Variants in CDYL2 observed in about 807,000 individuals in gnomAD.
The protein encoded by CDYL2 is chromodomain Y-like protein 2.
A neutral mutation model predicts 49.4 loss-of-function variants in CDYL2; 23 were observed. The observed-to-expected ratio is 0.47, with a 90% CI of 0.34 to 0.66. The LOEUF (loss-of-function observed/expected upper bound fraction) is 0.66. Among genes scored for constraint, CDYL2 ranks in the 30% least tolerant of loss-of-function variants. CDYL2 has a pLI of 0.01. For missense variants in CDYL2, 678 were observed against 656.4 expected (o/e 1.03, Z -0.36); for synonymous variants, 360 against 268.8 (o/e 1.34, Z -3.32).
chr16:80,713,272 C>T (rs745868852), intron 1 of CDYL2, among the ~76,000 whole-genome samples: 8 of 152,284 alleles, frequency 5.3e-5, no homozygotes, highest in South Asian at 2.1e-4. Context: ...GATGAAGTTA[C>T]AAAACAAGCT....
chr16:80,743,575 T>C (rs1280870228), intron 1 of CDYL2, among the ~76,000 whole-genome samples: 4 of 152,218 alleles, frequency 2.6e-5, no homozygotes, highest in African/African-American at 9.7e-5. Flanking sequence ...TGAAGCGGGA[T>C]TGGCATTAGC....
intron 1 of CDYL2, among the ~76,000 whole-genome samples, chr16:80,778,271 A>G (rs560440260): frequency 6.6e-6 from 1 of 152,160 alleles, no homozygotes; most frequent in African/African-American, 2.4e-5. Flanking sequence ...TAGCTATTAC[A>G]CTATAATTTA....
intron 2 of CDYL2, among the ~76,000 whole-genome samples, chr16:80,665,538 G>A (rs531868714): frequency 1.6e-4 from 23 of 140,150 alleles, no homozygotes; most frequent in South Asian, 4.5e-4. Flanking sequence ...AGCAAAAACC[G>A]CAATTACTTT....
At chr16:80,639,791 C>A (rs1202962175) in intron 2 of CDYL2, 7 of 451,924 alleles carry the variant, frequency 1.5e-5, no homozygotes, top group Non-Finnish European at 3.1e-5. Flanking sequence ...ATGGAAAGCA[C>A]GTTTGTGCAC....
At chr16:80,750,370 T>A (rs969352781) in intron 1 of CDYL2, among the ~76,000 whole-genome samples, 22 of 100,744 alleles carry the variant, frequency 2.2e-4, no homozygotes, top group South Asian at 6.2e-4. Flanking sequence ...TTAACAGAAA[T>A]AAAAAATAAA....
rs182165220 is a variant in CDYL2, at chr16:80,687,706, C to A, written c.25-2577G>T. Among the ~76,000 whole-genome samples the A allele has an allele frequency of 3.9e-5, 6 of 152,230 alleles. No homozygotes were observed. In the East Asian group the frequency reaches 9.7e-4, roughly 24 times the overall value. ...AATATTTAAGAACAGGGCTTTGTAA[C>A]AAAACGATCTGTTTTAAATCCCCTG... On this transcript the variant is annotated intron_variant, in intron 1 of 6. Transcript: ENST00000570137.
chr16:80,719,999 C>T (rs1340280385), intron 1 of CDYL2, among the ~76,000 whole-genome samples: 1 of 152,226 alleles, frequency 6.6e-6, no homozygotes, highest in African/African-American at 2.4e-5. Flanking sequence ...CTGTGGCTGG[C>T]TCATTTCCCA....
intron 1 of CDYL2, among the ~76,000 whole-genome samples, chr16:80,769,783 G>A (rs1906846880): frequency 6.6e-6 from 1 of 152,132 alleles, no homozygotes; most frequent in Admixed American, 6.5e-5. Context: ...TTGCATAGGT[G>A]AAATTAAAGA....
intron 4 of CDYL2, among the ~76,000 whole-genome samples, chr16:80,617,633 G>A (rs1318983452): frequency 6.6e-6 from 1 of 152,056 alleles, no homozygotes; most frequent in Non-Finnish European, 1.5e-5. Flanking sequence ...AGAGTTTGGT[G>A]CTGATGGGCG....
intron 2 of CDYL2, among the ~76,000 whole-genome samples, chr16:80,673,376 C>A (rs1474091714): frequency 6.6e-6 from 1 of 152,118 alleles, no homozygotes; most frequent in African/African-American, 2.4e-5. Flanking sequence ...AAGTCAACTT[C>A]AACACTTTCC....
chr16:80,755,128 C>G (rs1007903087), intron 1 of CDYL2, among the ~76,000 whole-genome samples: 1 of 152,142 alleles, frequency 6.6e-6, no homozygotes, highest in Non-Finnish European at 1.5e-5. Flanking sequence ...TCATCCACAT[C>G]CTATTTAATG....
chr16:80,706,235 A>G (rs568002536), intron 1 of CDYL2, among the ~76,000 whole-genome samples: 34 of 152,394 alleles, frequency 2.2e-4, no homozygotes, highest in African/African-American at 7.9e-4. Flanking sequence ...TCCCTTGGCT[A>G]CAGGCCAGTA....
rs978956169 is a variant in CDYL2 at position 80,707,440 on chromosome 16, G to A, written c.25-22311C>T. Among the ~76,000 whole-genome samples, 21 of 152,128 alleles carry A rather than the reference G, an allele frequency of 1.4e-4. 1 individual carries two copies. The highest frequency in any genetic ancestry group is 8.3e-4 in the South Asian group (4 of 4,816). On this transcript the variant is annotated intron_variant, in intron 1 of 6. Transcript: ENST00000570137. ...CGTACCACTGCACTCCAGCCTAGGCGACAGAGAGAGATGTTGTCTCAAAAA... is the reference window on the plus strand; with the variant it reads ...CGTACCACTGCACTCCAGCCTAGGCAACAGAGAGAGATGTTGTCTCAAAAA...
At chr16:80,682,763 G>A (rs1054025020) in intron 2 of CDYL2, among the ~76,000 whole-genome samples, 9 of 152,202 alleles carry the variant, frequency 5.9e-5, no homozygotes, top group African/African-American at 2.2e-4. Flanking sequence ...ACCGCCAGCA[G>A]CCGTCACAGC....
chr16:80,682,077 G>C (rs925073287), intron 2 of CDYL2, among the ~76,000 whole-genome samples: 2 of 152,144 alleles, frequency 1.3e-5, no homozygotes, highest in African/African-American at 4.8e-5. Flanking sequence ...CCTAGACTTA[G>C]GAAATCAGAT....
chr16:80,737,759 T>C (rs776945812), intron 1 of CDYL2, among the ~76,000 whole-genome samples: 5 of 152,194 alleles, frequency 3.3e-5, no homozygotes, highest in Non-Finnish European at 5.9e-5. Flanking sequence ...AGAATCTGCA[T>C]TTCCAAGTCC....
At chr16:80,734,023 G>C (rs150042052) in intron 1 of CDYL2, among the ~76,000 whole-genome samples, 1 of 152,218 alleles carries the variant, frequency 6.6e-6, no homozygotes, top group East Asian at 1.9e-4. Flanking sequence ...ATCATTGCCA[G>C]GAATTAAGGT....
chr16:80,752,580 C>G (rs538208489), intron 1 of CDYL2, among the ~76,000 whole-genome samples: 26 of 152,258 alleles, frequency 1.7e-4, no homozygotes, highest in African/African-American at 4.8e-4. Context: ...ACAGCTGGGT[C>G]CTCAATAAAA....
rs991183122 is a variant in CDYL2, at chr16:80,603,603, C to T, written c.*785G>A. The T allele has an allele frequency of 5.2e-5, 8 of 152,422 alleles. No homozygotes were observed. The highest frequency in any genetic ancestry group is 1.5e-5 in the Non-Finnish European group (1 of 68,008). The allele number at this position is 152,422 out of a possible 1,614,324, so 9.4% of individuals were successfully genotyped here. ...GCATGAACCTTGTGTGGGATTTGGTCCAGGGTAGTATGAAAATAGTATCTG... is the reference window on the plus strand; with the variant it reads ...GCATGAACCTTGTGTGGGATTTGGTTCAGGGTAGTATGAAAATAGTATCTG... On this transcript the variant is annotated 3_prime_UTR_variant, in exon 7 of 7. Coordinates refer to ENST00000570137, the MANE Select transcript of CDYL2 (RefSeq NM_152342.4).
Sources: allele counts gnomAD v4.1 joint callset (sites outside exome capture counted in the v4.1 genomes callset), GRCh38; gene constraint gnomAD v4.1.1; transcripts MANE v1.5; gene names NCBI Gene and HGNC (gene_info 2026-07-23, HGNC 2026-07-21).